Variants in PRKCA observed in about 807,000 individuals in gnomAD.
The protein encoded by PRKCA is protein kinase C alpha, also known as protein kinase C alpha type.
Under a neutral mutation model 87.0 loss-of-function variants are expected in PRKCA, and 27 were observed. That is an observed-to-expected ratio of 0.31 (90% CI 0.23 to 0.43). The LOEUF is 0.43. Ranked by LOEUF, PRKCA falls within the 20% of genes least tolerant of loss-of-function variation. The pLI is 1.00. For synonymous variants in PRKCA, 329 were observed against 311.1 expected (o/e 1.06, Z -0.61); for missense variants, 518 against 852.3 (o/e 0.61, Z 4.88).
intron 2 of PRKCA, among the ~76,000 whole-genome samples, chr17:66,356,381 A>G (rs1443223875): frequency 6.6e-6 from 1 of 152,114 alleles, no homozygotes; most frequent in East Asian, 1.9e-4. Flanking sequence ...CACGCCTGTA[A>G]TCCCAGCACT....
intron 2 of PRKCA, among the ~76,000 whole-genome samples, chr17:66,319,178 C>T (rs1905501972): frequency 6.6e-6 from 1 of 152,030 alleles, no homozygotes; most frequent in Admixed American, 6.6e-5. Flanking sequence ...CCATGGTGGT[C>T]TGCCATGAAT....
At chr17:66,497,106 G>A (rs1195625809) in intron 3 of PRKCA, among the ~76,000 whole-genome samples, 1 of 152,180 alleles carries the variant, frequency 6.6e-6, no homozygotes, top group Non-Finnish European at 1.5e-5. Flanking sequence ...CTGTTTCACT[G>A]AACAGTGATC....
chr17:66,410,294 A>G (rs142697078), intron 2 of PRKCA, among the ~76,000 whole-genome samples: 142 of 151,974 alleles, frequency 9.3e-4, no homozygotes, highest in African/African-American at 3.3e-3. Context: ...ATATTTGTAC[A>G]TGATGAATAC....
At chr17:66,694,864 T>C (rs1335551626) in intron 8 of PRKCA, among the ~76,000 whole-genome samples, 1 of 151,930 alleles carries the variant, frequency 6.6e-6, no homozygotes, top group Non-Finnish European at 1.5e-5. Flanking sequence ...GCATTTCATT[T>C]CCATGGCTTT....
chr17:66,674,098 C>T (rs1254048232), intron 5 of PRKCA, among the ~76,000 whole-genome samples: 15 of 152,184 alleles, frequency 9.9e-5, no homozygotes, highest in South Asian at 2.1e-4. Flanking sequence ...ATCCAATGAG[C>T]GCAGATTTTA....
intron 13 of PRKCA, among the ~76,000 whole-genome samples, chr17:66,744,985 C>T (rs545666920): frequency 1.3e-5 from 2 of 152,308 alleles, no homozygotes; most frequent in South Asian, 2.1e-4. Flanking sequence ...TCTTCTCCTA[C>T]AAGGATCTTT....
At chr17:66,354,304 A>G (rs1907918870) in intron 2 of PRKCA, among the ~76,000 whole-genome samples, 2 of 151,774 alleles carry the variant, frequency 1.3e-5, no homozygotes, top group Non-Finnish European at 2.9e-5. Flanking sequence ...TTCTTACCAG[A>G]CAGAATAATT....
chr17:66,347,119 T>C (rs1907428811), intron 2 of PRKCA, among the ~76,000 whole-genome samples: 1 of 152,118 alleles, frequency 6.6e-6, no homozygotes, highest in South Asian at 2.1e-4. Flanking sequence ...AAATTTAAGA[T>C]GAGAGATTTT....
chr17:66,360,771 C>A (rs1908344552), intron 2 of PRKCA, among the ~76,000 whole-genome samples: 1 of 152,098 alleles, frequency 6.6e-6, no homozygotes, highest in African/African-American at 2.4e-5. Flanking sequence ...GGTTCTTGGC[C>A]CTTCCAGTGC....
At position 66,307,351 on chromosome 17, in the gene PRKCA, A is replaced by G. The variant is rs1259909121; in HGVS notation, c.205+1224A>G. Among the ~76,000 whole-genome samples the G allele has an allele frequency of 2.6e-5, 4 of 152,284 alleles. 1 individual carries two copies. The highest frequency in any genetic ancestry group is 3.9e-4 in the East Asian group (2 of 5,184). ...AAAATGTAGCTCTTTCTAGTTCTCAAAGTTGTGGGCCTGAACTTTATGGGT... is the reference window on the plus strand; with the variant it reads ...AAAATGTAGCTCTTTCTAGTTCTCAGAGTTGTGGGCCTGAACTTTATGGGT... On this transcript the variant is annotated intron_variant, in intron 2 of 16. Coordinates refer to ENST00000413366, the MANE Select transcript of PRKCA (RefSeq NM_002737.3).
chr17:66,544,010 G>A (rs979171852), intron 3 of PRKCA, among the ~76,000 whole-genome samples: 11 of 152,162 alleles, frequency 7.2e-5, no homozygotes, highest in East Asian at 5.8e-4. Flanking sequence ...TCAGGAGTTC[G>A]AGACCAGCCT....
At chr17:66,751,202 C>CT (rs1165790984) in intron 13 of PRKCA, among the ~76,000 whole-genome samples, 1 of 152,254 alleles carries the variant, frequency 6.6e-6, no homozygotes, top group African/African-American at 2.4e-5. Context: ...TTGTTCATTT[C>CT]TTGCTATGCG....
chr17:66,307,688 C>G (rs1904893143), intron 2 of PRKCA, among the ~76,000 whole-genome samples: 1 of 152,092 alleles, frequency 6.6e-6, no homozygotes, highest in Non-Finnish European at 1.5e-5. Context: ...TATTACTAGG[C>G]TCTAGGGGGT....
intron 13 of PRKCA, among the ~76,000 whole-genome samples, chr17:66,764,717 T>C (rs1215692089): frequency 6.6e-6 from 1 of 152,228 alleles, no homozygotes; most frequent in Admixed American, 6.5e-5. Context: ...CTAGCCCTTC[T>C]TGCCAACTCT....
intron 3 of PRKCA, among the ~76,000 whole-genome samples, chr17:66,507,535 T>G (rs1470992909): frequency 2.0e-5 from 3 of 152,134 alleles, no homozygotes; most frequent in Non-Finnish European, 4.4e-5. Context: ...CCTGAGACAT[T>G]AACAGTAAAA....
At chr17:66,321,493 G>A (rs1292400889) in intron 2 of PRKCA, among the ~76,000 whole-genome samples, 3 of 152,160 alleles carry the variant, frequency 2.0e-5, no homozygotes, top group African/African-American at 7.2e-5. Flanking sequence ...CTGCTATATG[G>A]ATGTTATTGT....
intron 16 of PRKCA, chr17:66,796,456 T>G (rs917108713): frequency 3.2e-5 from 32 of 985,258 alleles, no homozygotes; most frequent in Non-Finnish European, 3.9e-5. Flanking sequence ...AGACTTTGTG[T>G]ACCAAAATGC....
intron 2 of PRKCA, among the ~76,000 whole-genome samples, chr17:66,389,295 C>T (rs1053876671): frequency 1.3e-5 from 2 of 152,142 alleles, no homozygotes; most frequent in African/African-American, 2.4e-5. Flanking sequence ...GAGAGGAGCA[C>T]GACTCACTTG....
At chr17:66,368,858 G>A (rs1908922913) in intron 2 of PRKCA, among the ~76,000 whole-genome samples, 2 of 152,174 alleles carry the variant, frequency 1.3e-5, no homozygotes, top group African/African-American at 4.8e-5. Flanking sequence ...GAGTAAAGGG[G>A]TTAGCTAGAG....
Sources: gnomAD v4.1 joint callset for allele counts (sites outside exome capture counted in the v4.1 genomes callset) on GRCh38, gnomAD v4.1.1 for gene constraint, MANE v1.5 for transcripts, NCBI Gene and HGNC (gene_info 2026-07-23, HGNC 2026-07-21) for gene names.